The following METTL16 variants were observed in gnomAD, a reference collection of about 807,000 sequenced individuals.
The protein encoded by METTL16 is methyltransferase 16, RNA N6-adenosine, also known as RNA N(6)-adenosine-methyltransferase METTL16.
METTL16 carries 19 observed loss-of-function variants against 57.9 expected under a neutral mutation model. The observed-to-expected ratio is 0.33, with a 90% confidence interval of 0.23 to 0.48. METTL16 has a LOEUF of 0.48. METTL16 is among the 20% of genes least tolerant of loss of function. The probability of loss-of-function intolerance (pLI) is 0.99; values close to 1 mark genes in which losing one functional copy is unlikely to be tolerated. For synonymous variants in METTL16, 246 were observed against 255.6 expected, an observed-to-expected ratio of 0.96 and a Z score of 0.36; for missense variants, 434 against 691.5, an observed-to-expected ratio of 0.63 and a Z score of 4.18.
intron 6 of METTL16, among the ~76,000 whole-genome samples, chr17:2,457,716 A>T (rs1002575014): frequency 6.6e-6 from 1 of 152,036 alleles, no homozygotes; most frequent in Non-Finnish European, 1.5e-5. Context: ...GTCTCAAAAA[A>T]AAAAAAAAGA....
chr17:2,432,289 T>C (rs1036143007), intron 8 of METTL16, among the ~76,000 whole-genome samples: 1 of 152,130 alleles, frequency 6.6e-6, no homozygotes, highest in Non-Finnish European at 1.5e-5. Context: ...CATTTTAGGC[T>C]GGGTGCAATG....
chr17:2,469,582 G>A (rs942014879), intron 4 of METTL16, among the ~76,000 whole-genome samples: 11 of 146,696 alleles, frequency 7.5e-5, no homozygotes, highest in South Asian at 2.2e-4. Flanking sequence ...AGAGTGCAGC[G>A]GCGAGATCTC....
intron 2 of METTL16, among the ~76,000 whole-genome samples, chr17:2,491,632 T>C (rs2067390866): frequency 6.6e-6 from 1 of 152,022 alleles, no homozygotes; most frequent in Non-Finnish European, 1.5e-5. Flanking sequence ...TGTCAGCACG[T>C]TGGGAGGCCA....
Position 2,420,702 on chromosome 17 carries a change from G to A in METTL16, c.1062+29C>T. ...AGAAAAAAGAGAAGGATCATTATGA[G>A]TACTTCGTCAATATGGTTAAGCAGG... On this transcript the variant is annotated intron_variant, in intron 9 of 9. Transcript: ENST00000263092. The surrounding 1 kb of genome is among the most constrained non-coding windows in gnomAD (Gnocchi z 5.4). The A allele has an allele frequency of 6.3e-7, 1 of 1,588,128 alleles. No homozygotes were observed. Among genetic ancestry groups the A allele is most frequent in the Non-Finnish European group, 8.5e-7 (1 of 1,170,178 alleles).
chr17:2,480,185 CAAAAA>C (rs953770502), intron 2 of METTL16, among the ~76,000 whole-genome samples: 2 of 61,890 alleles, frequency 3.2e-5, no homozygotes, highest in Non-Finnish European at 3.7e-5. Context: ...GACTCTGTCT[CAAAAA>C]AAAAAAAAAA....
chr17:2,497,018 T>C (rs2067450444), intron 2 of METTL16, among the ~76,000 whole-genome samples: 1 of 151,636 alleles, frequency 6.6e-6, no homozygotes, highest in Non-Finnish European at 1.5e-5. Context: ...TCTTTTTTAT[T>C]TTCTTGAGGC....
chr17:2,421,068 AC>A (rs1456539642), intron 8 of METTL16, among the ~76,000 whole-genome samples, 164 bp from the exon 9 acceptor site: 1 of 152,100 alleles, frequency 6.6e-6, no homozygotes, highest in Non-Finnish European at 1.5e-5. Context: ...ACTTAAAACA[AC>A]CCTGCAAGGT....
At chr17:2,501,276 T>A (rs2067484775) in intron 2 of METTL16, among the ~76,000 whole-genome samples, 1 of 151,784 alleles carries the variant, frequency 6.6e-6, no homozygotes, top group Non-Finnish European at 1.5e-5. Context: ...AAAATAAAAA[T>A]AAAAATAGCT....
chr17:2,474,907 GTC>G (rs3029948), intron 3 of METTL16, among the ~76,000 whole-genome samples: 54,004 of 148,758 alleles, frequency 0.36, 12,756 homozygotes, highest in African/African-American at 0.68. Flanking sequence ...GTGACATCAA[GTC>G]TCTCTCTCTC....
At chr17:2,491,958 C>T (rs554953311) in intron 2 of METTL16, among the ~76,000 whole-genome samples, 32 of 148,398 alleles carry the variant, frequency 2.2e-4, no homozygotes, top group Non-Finnish European at 2.8e-4. Flanking sequence ...ACGCCTGTAA[C>T]CCCAGCACTT....
rs552704815 is a variant in METTL16, at chr17:2,429,440, G to A, written c.889-8536C>T. Among the ~76,000 whole-genome samples, 5 of 150,554 alleles carry A rather than the reference G, an allele frequency of 3.3e-5. No homozygotes were observed. In the South Asian group the frequency reaches 1.1e-3, roughly 32 times the overall value. On this transcript the variant is annotated intron_variant, in intron 8 of 9. Coordinates refer to ENST00000263092, the MANE Select transcript of METTL16 (RefSeq NM_024086.4). ...TGACCTCAGGCAATCCGCCCGCCTC[G>A]GCCTCCCAAAGTGCTGGGATTACAG...
chr17:2,458,332 G>A (rs1256877891), intron 6 of METTL16, among the ~76,000 whole-genome samples: 2 of 152,016 alleles, frequency 1.3e-5, no homozygotes, highest in Non-Finnish European at 2.9e-5. Flanking sequence ...TTGCCATAAA[G>A]GGCATCAGTT....
intron 2 of METTL16, among the ~76,000 whole-genome samples, chr17:2,494,831 C>T (rs1348825911): frequency 6.6e-6 from 1 of 151,934 alleles, no homozygotes; most frequent in Non-Finnish European, 1.5e-5. Flanking sequence ...AACCCCATCT[C>T]TACTAAAATA....
At chr17:2,441,043 T>C (rs1163963022) in intron 7 of METTL16, among the ~76,000 whole-genome samples, 1 of 149,788 alleles carries the variant, frequency 6.7e-6, no homozygotes, top group Non-Finnish European at 1.5e-5. Context: ...TATCTGGACT[T>C]GAATAAACTT....
intron 1 of METTL16, among the ~76,000 whole-genome samples, chr17:2,507,519 C>T (rs553174530): frequency 7.6e-6 from 1 of 130,794 alleles, no homozygotes; most frequent in Non-Finnish European, 1.7e-5. Flanking sequence ...GTCAGCCCCC[C>T]GCCCGGCCAG....
intron 8 of METTL16, among the ~76,000 whole-genome samples, chr17:2,429,596 G>A (rs930465470): frequency 3.8e-4 from 58 of 151,330 alleles, no homozygotes; most frequent in Admixed American, 6.6e-5. Flanking sequence ...ATAAATGAAG[G>A]GACGAATAGA....
At chr17:2,426,709 AC>A (rs35265706) in intron 8 of METTL16, among the ~76,000 whole-genome samples, 30,151 of 140,624 alleles carry the variant, frequency 0.21, 3,823 homozygotes, top group South Asian at 0.4. Flanking sequence ...AACCTGGGTG[AC>A]AGAGCAAGAC....
intron 2 of METTL16, among the ~76,000 whole-genome samples, chr17:2,492,037 C>T (rs1256836133): frequency 6.6e-6 from 1 of 151,182 alleles, no homozygotes; most frequent in Non-Finnish European, 1.5e-5. Context: ...CGGTGAAACC[C>T]TGTCTCTACT....
chr17:2,430,810 A>G (rs918023745), intron 8 of METTL16, among the ~76,000 whole-genome samples: 1 of 152,094 alleles, frequency 6.6e-6, no homozygotes, highest in Non-Finnish European at 1.5e-5. Context: ...CTTATTTACC[A>G]GGAACCCCAA....
Sources: allele counts gnomAD v4.1 joint callset (sites outside exome capture counted in the v4.1 genomes callset), GRCh38; gene constraint gnomAD v4.1.1; non-coding constraint Gnocchi (gnomAD v3.1); transcripts MANE v1.5; gene names NCBI Gene and HGNC (gene_info 2026-07-23, HGNC 2026-07-21).